Variants in PLA2G4B observed in about 807,000 individuals in gnomAD.
PLA2G4B encodes phospholipase A2 group IVB.
A neutral mutation model predicts 95.8 loss-of-function variants in PLA2G4B; 122 were observed. The ratio of observed to expected loss-of-function variants is 1.27; its 90% CI spans 1.10 to 1.48. The LOEUF is 1.48. PLA2G4B is among the 40% of genes most tolerant of loss of function. PLA2G4B has a pLI of 0.00. For synonymous variants in PLA2G4B, 518 were observed against 421.5 expected (o/e 1.23, Z -2.80); for missense variants, 1,158 against 996.2 (o/e 1.16, Z -2.19).
At chr15:41,842,382 A>G in intron 9 of PLA2G4B, 106 bp downstream of exon 9, 3 of 1,557,684 alleles carry the variant, frequency 1.9e-6, no homozygotes, top group Middle Eastern at 2.1e-4. Flanking sequence ...CACCCTGAGC[A>G]GGTGCTGGGG....
In PLA2G4B at chr15:41,846,183, C is replaced by T. The variant is rs751463677; in HGVS notation, c.1601-20C>T. 6.2e-6 allele frequency: 10 copies of T among 1,604,492 alleles called. No homozygotes were observed. Among genetic ancestry groups the T allele is most frequent in the Admixed American group, 5.0e-5 (3 of 59,844 alleles). The stretch of plus-strand genomic sequence containing the variant: ...GATAAAGGTGCAGGAGTCCCCATTT[C>T]CCCCACCTTGCCTGTGTAGACAAGG... On this transcript the variant is annotated intron_variant, in intron 16 of 19. Coordinates refer to ENST00000458483, the MANE Select transcript of PLA2G4B (RefSeq NM_001114633.2).
Position 41,846,105 on chromosome 15 carries a change from A to G in PLA2G4B, c.1600+58A>G, listed in dbSNP as rs1265068647. On this transcript the variant is annotated intron_variant, in intron 16 of 19. Transcript: ENST00000458483. ...AGGGGCAGCCAGCTGGGGCTGCACC[A>G]GGGGGCGGGGGGTTCACACCTCTTC... 5.1e-6 allele frequency: 8 copies of G among 1,573,184 alleles called. No homozygotes were observed. In the African/African-American group the frequency reaches 9.5e-5, roughly 19 times the overall value.
rs1313872372 is a variant in PLA2G4B, at chr15:41,847,349, C to G, written c.1960C>G (p.Leu654Val). 2 of 1,605,076 alleles carry G rather than the reference C, an allele frequency of 1.2e-6. No individual in the cohort carries two copies. Among genetic ancestry groups the G allele is most frequent in the Non-Finnish European group, 1.7e-6 (2 of 1,175,538 alleles). Residue 654 changes from leucine to valine, a missense_variant, in exon 19 of 20, where the codon CTG becomes GTG. Coordinates refer to ENST00000458483, the MANE Select transcript of PLA2G4B (RefSeq NM_001114633.2). Reference protein sequence around the residue: ...LHGAFQQLQLLGRFCQEQGIP... With the variant: ...LHGAFQQLQLVGRFCQEQGIP... ...GCCTGCCCTGCAGCAGTTGCAGCTC[C>G]TGGGCCGGTTCTGCCAGGAGCAGGG...
chr15:41,840,877 G>C lies in PLA2G4B; in HGVS notation c.323G>C (p.Arg108Pro), dbSNP rs752705085. Residue 108 changes from arginine to proline, a missense_variant, in exon 4 of 20, where the codon CGG becomes CCG. Arg to Pro is a moderately radical substitution (Grantham distance 103). Transcript: ENST00000458483. ...DAGTLRAGEF[R>P]RESFSLSPQG... ...GGGACTCTGCGGGCTGGGGAGTTCC[G>C]GCGCGAGAGCTTCTCACTGAGCCCT... The C allele has an allele frequency of 6.2e-7, 1 of 1,613,690 alleles. No individual in the cohort carries two copies. The highest frequency in any genetic ancestry group is 1.1e-5 in the South Asian group (1 of 91,064).
rs111254399 is a variant in PLA2G4B, at chr15:41,842,082, C to T, written c.622-111C>T. Reference sequence around the variant, plus strand: ...AGCATGTGTGGGCCCATGCTGGCCTCCCCTTCCCGTCCCTCCCATAACTCT... The same window carrying T: ...AGCATGTGTGGGCCCATGCTGGCCTTCCCTTCCCGTCCCTCCCATAACTCT... On this transcript the variant is annotated intron_variant, in intron 8 of 19. Transcript: ENST00000458483. 8.9e-6 allele frequency: 14 copies of T among 1,566,244 alleles called. No homozygotes were observed. In the African/African-American group the frequency reaches 1.3e-4, roughly 15 times the overall value.
intron 2 of PLA2G4B, 94 bp from the exon 3 acceptor site, chr15:41,840,430 T>G: frequency 1.2e-6 from 2 of 1,604,556 alleles, no homozygotes; most frequent in Non-Finnish European, 1.7e-6. Context: ...CCCTCAGTCT[T>G]AACCCACATG....
chr15:41,839,818 A>G (rs2065391659), intron 1 of PLA2G4B: 1 of 273,082 alleles, frequency 3.7e-6, no homozygotes, highest in East Asian at 8.3e-5. Flanking sequence ...CTCCAACCCC[A>G]ATTGTGGACC....
Position 41,843,664 on chromosome 15 carries a change from T to TTCCCCGGCCAGACTGAGGGAGCTGGCCG in PLA2G4B, c.744-10_761dup. On this transcript the variant is annotated splice_polypyrimidine_tract_variant and intron_variant, in intron 10 of 19. Coordinates refer to ENST00000458483, the MANE Select transcript of PLA2G4B (RefSeq NM_001114633.2). ...TGAGAGCTGTCTCACAGTCTCTTCCTTCCCCGGCCAGACTGAGGGAGCTGG... is the reference window on the plus strand; with the variant it reads ...TGAGAGCTGTCTCACAGTCTCTTCCTTCCCCGGCCAGACTGAGGGAGCTGGCCGTCCCCGGCCAGACTGAGGGAGCTGG... 1 of 1,612,122 alleles carries TTCCCCGGCCAGACTGAGGGAGCTGGCCG rather than the reference T, an allele frequency of 6.2e-7. No individual in the cohort carries two copies. Among genetic ancestry groups the TTCCCCGGCCAGACTGAGGGAGCTGGCCG allele is most frequent in the Non-Finnish European group, 8.5e-7 (1 of 1,178,790 alleles).
chr15:41,846,983 A>G (rs1489778288), intron 18 of PLA2G4B, 148 bp downstream of exon 18: 1 of 1,186,112 alleles, frequency 8.4e-7, no homozygotes, highest in Non-Finnish European at 1.1e-6. Flanking sequence ...AGAGGAGCTC[A>G]TTCTTTTCCG....
At chr15:41,842,818 C>T (rs2065459483) in intron 10 of PLA2G4B, 1 of 548,620 alleles carries the variant, frequency 1.8e-6, no homozygotes, top group Non-Finnish European at 3.0e-6. Context: ...TGCCAGGCAC[C>T]CGGGGAGCAC....
In PLA2G4B at chr15:41,847,402, C is replaced by T. The variant is rs992215617; in HGVS notation, c.2013C>T (p.Ser671=). 1.9e-6 allele frequency: 3 copies of T among 1,613,010 alleles called. No individual in the cohort carries two copies. Among genetic ancestry groups the T allele is most frequent in the Admixed American group, 1.7e-5 (1 of 60,012 alleles). The change falls in exon 19 of 20, where the codon AGC becomes AGT. Residue 671 remains serine (S), a synonymous_variant. Transcript: ENST00000458483. ...TCCCGTTCCCACCCATCTCGCCCAG[C>T]CCCGAAGAGCAGCTCCAGCCTCGGG... The part of the protein sequence containing the change: ...QGIPFPPISP[S]PEEQLQPREC...
At position 41,846,688 on chromosome 15, in the gene PLA2G4B, C is replaced by T. The variant is rs369187124; in HGVS notation, c.1800C>T (p.Leu600=). ...TTCCAGCTACCACTCTGGATGGGCTCCCCAACCAGCTGACACCCTCGGAGC... is the reference window on the plus strand; with the variant it reads ...TTCCAGCTACCACTCTGGATGGGCTTCCCAACCAGCTGACACCCTCGGAGC... The part of the protein sequence containing the change: ...STWKATTLDG[L]PNQLTPSEPH... The change falls in exon 18 of 20, where the codon CTC becomes CTT. Residue 600 remains leucine, a synonymous_variant. Coordinates refer to ENST00000458483, the MANE Select transcript of PLA2G4B (RefSeq NM_001114633.2). 17 of 1,611,684 alleles carry T rather than the reference C, an allele frequency of 1.1e-5. No homozygotes were observed. The highest frequency in any genetic ancestry group is 1.4e-5 in the Non-Finnish European group (16 of 1,178,462).
At chr15:41,842,323 G>T (rs1188046417) in intron 9 of PLA2G4B, 47 bp downstream of exon 9, 3 of 1,609,532 alleles carry the variant, frequency 1.9e-6, no homozygotes, top group Non-Finnish European at 2.5e-6. Context: ...ATGGGGCTGG[G>T]ACCCAGGCCA....
rs759060016 is a variant in PLA2G4B at position 41,841,870 on chromosome 15, A to T, written c.542A>T (p.Gln181Leu). 6.2e-7 allele frequency: 1 copy of T among 1,613,324 alleles called. No individual in the cohort carries two copies. The highest frequency in any genetic ancestry group is 1.3e-5 in the African/African-American group (1 of 74,902). The change falls in exon 8 of 20, where the codon CAG (glutamine) becomes CTG (leucine). Residue 181 changes from glutamine (Q) to leucine (L), a missense_variant. Physicochemically the swap from Gln to Leu is moderately radical, Grantham distance 113. Transcript: ENST00000458483. ...LVVPGSCEGP[Q>L]EASVGTGTFR... is the part of the protein sequence containing the mutation. ...GTTCCTGGGTCCTGTGAGGGTCCGC[A>T]GGAGGCCTCTGTGGGCACTGGCACC...
rs145824229 is a variant in PLA2G4B at position 41,844,963 on chromosome 15, C to T, written c.1132C>T (p.Gln378Ter). 1.2e-4 allele frequency: 200 copies of T among 1,611,698 alleles called. No homozygotes were observed. The African/African-American group carries it at 2.3e-3, about 19-fold the overall frequency. The part of the protein sequence containing the change: ...KNKLGVLAPS[Q>*]LQRYRQELAE... ...CAAGCTGGGTGTGCTGGCCCCCAGC[C>T]AGCTGCAGCGGTACCGGCAGGAGCT... is the stretch of plus-strand genomic sequence containing the variant. Residue 378 changes from glutamine to a stop codon, truncating the protein, a stop_gained, in exon 13 of 20, where the codon CAG (glutamine) becomes TAG (stop). Transcript: ENST00000458483. LOFTEE classifies it high-confidence loss of function.
In PLA2G4B at chr15:41,840,146, C is replaced by T. The variant is rs547576405; in HGVS notation, c.10-12C>T. On this transcript the variant is annotated splice_polypyrimidine_tract_variant and intron_variant, in intron 1 of 19. Coordinates refer to ENST00000458483, the MANE Select transcript of PLA2G4B (RefSeq NM_001114633.2). ...CGGCCCGTAGCAGGTCTCCCCTCTC[C>T]CACCTCTGCAGGCAGAGGTGTCCAG... The T allele has an allele frequency of 1.1e-5, 17 of 1,611,736 alleles. No individual in the cohort carries two copies. In the East Asian group the frequency reaches 3.3e-4, roughly 32 times the overall value.
rs774520200 is a variant in PLA2G4B at position 41,840,484 on chromosome 15, G to T, written c.83-40G>T. On this transcript the variant is annotated intron_variant, in intron 2 of 19. Coordinates refer to ENST00000458483, the MANE Select transcript of PLA2G4B (RefSeq NM_001114633.2). ...GGAAGTGGGTCTGGGCGGCTGGGAAGGGCTCTTGTCCACCGCTGGGCACTT... is the reference window on the plus strand; with the variant it reads ...GGAAGTGGGTCTGGGCGGCTGGGAATGGCTCTTGTCCACCGCTGGGCACTT... The T allele has an allele frequency of 8.1e-6, 13 of 1,612,294 alleles. No homozygotes were observed. The African/African-American group carries it at 1.5e-4, about 18-fold the overall frequency.
rs1595417623 is a variant in PLA2G4B at position 41,839,990 on chromosome 15, T to G, written c.10-168T>G. The G allele has an allele frequency of 7.0e-5, 53 of 752,164 alleles. No homozygotes were observed. The East Asian group carries it at 1.4e-3, about 20-fold the overall frequency. 46.6% of individuals were successfully genotyped at this position (752,164 alleles called of 1,614,324 possible). A position where few individuals can be genotyped will look rare whatever the true frequency, so the allele number is the denominator to read the frequency against. ...ATTGTGTAAGTGCTGGCAGGCGTCATGATGGAGATATCATGTCTCCTCTTG... is the reference window on the plus strand; with the variant it reads ...ATTGTGTAAGTGCTGGCAGGCGTCAGGATGGAGATATCATGTCTCCTCTTG... On this transcript the variant is annotated intron_variant, in intron 1 of 19. Transcript: ENST00000458483.
chr15:41,840,406 C>G (rs2065404985), intron 2 of PLA2G4B, 118 bp from the exon 3 acceptor site: 6 of 1,589,046 alleles, frequency 3.8e-6, no homozygotes, highest in African/African-American at 2.7e-5. Flanking sequence ...GCCTCTGGCC[C>G]CCACTTCCCC....
Sources: gnomAD v4.1 joint callset for allele counts on GRCh38, gnomAD v4.1.1 for gene constraint, MANE v1.5 for transcripts, NCBI Gene and HGNC (gene_info 2026-07-23, HGNC 2026-07-21) for gene names.